Variants in NRG1 observed in about 807,000 individuals in gnomAD.
NRG1 encodes neuregulin 1.
NRG1 carries 18 observed loss-of-function variants against 63.8 expected under a neutral mutation model. The observed-to-expected ratio is 0.28, with a 90% confidence interval of 0.19 to 0.42. The LOEUF is 0.42. NRG1 is among the 10% of genes least tolerant of loss of function. The pLI, the probability that NRG1 is intolerant of heterozygous loss-of-function variation, is 1.00. For missense variants in NRG1, 762 were observed against 814.7 expected (o/e 0.94, Z 0.79); for synonymous variants, 302 against 301.3 (o/e 1.00, Z -0.02).
At chr8:32,501,125 G>A (rs548464481) in intron 1 of NRG1, among the ~76,000 whole-genome samples, 38 of 152,226 alleles carry the variant, frequency 2.5e-4, no homozygotes, top group African/African-American at 8.2e-4. Context: ...GAAAAGCATC[G>A]GCATAAAACA....
intron 1 of NRG1, chr8:31,639,991 T>C (rs1476791065): frequency 4.5e-6 from 5 of 1,120,278 alleles, no homozygotes; most frequent in Middle Eastern, 2.5e-4. Context: ...CACCATGAGA[T>C]GGCGACGCGC....
chr8:32,253,871 G>C (rs1330879382), intron 1 of NRG1, among the ~76,000 whole-genome samples: 1 of 152,126 alleles, frequency 6.6e-6, no homozygotes, highest in Non-Finnish European at 1.5e-5. Context: ...TTCAGAACTT[G>C]TTATTGGTCT....
At chr8:32,437,301 GTTT>G (rs926350889) in intron 1 of NRG1, among the ~76,000 whole-genome samples, 1 of 151,444 alleles carries the variant, frequency 6.6e-6, no homozygotes, top group Non-Finnish European at 1.5e-5. Flanking sequence ...CTCCTTTAGT[GTTT>G]TTTTTGTTTG....
At chr8:32,629,685 G>GT (rs1849926732) in intron 5 of NRG1, among the ~76,000 whole-genome samples, 1 of 151,946 alleles carries the variant, frequency 6.6e-6, no homozygotes, top group Non-Finnish European at 1.5e-5. Context: ...ATTTATTTCT[G>GT]TTTTTTACAT....
intron 1 of NRG1, among the ~76,000 whole-genome samples, chr8:32,026,591 A>T (rs1817414275): frequency 6.6e-6 from 1 of 152,206 alleles, no homozygotes; most frequent in South Asian, 2.1e-4. Context: ...AAATAAAATT[A>T]ATGTTATTCT....
intron 1 of NRG1, among the ~76,000 whole-genome samples, chr8:31,689,083 C>T (rs890462178): frequency 2.4e-4 from 36 of 152,278 alleles, no homozygotes; most frequent in Admixed American, 1.3e-4. Flanking sequence ...TCTTCCGCCT[C>T]CATCTTCCAC....
intron 1 of NRG1, among the ~76,000 whole-genome samples, chr8:32,219,177 G>T (rs897282723): frequency 6.6e-6 from 1 of 152,144 alleles, no homozygotes; most frequent in African/African-American, 2.4e-5. Flanking sequence ...CATCTGAGTT[G>T]GTTGCATGAT....
At chr8:32,065,179 G>A (rs1330073800) in intron 1 of NRG1, among the ~76,000 whole-genome samples, 1 of 150,572 alleles carries the variant, frequency 6.6e-6, no homozygotes. Context: ...TGTGGCCATC[G>A]ATTTTTTCTT....
At chr8:32,728,102 C>G (rs1358911713) in intron 6 of NRG1, 24 bp downstream of exon 6, 1 of 1,613,254 alleles carries the variant, frequency 6.2e-7, no homozygotes, top group Non-Finnish European at 8.5e-7. Context: ...TCCTGTGTGT[C>G]GCTTATGTCT....
intron 1 of NRG1, among the ~76,000 whole-genome samples, chr8:32,432,498 C>T (rs1587620820): frequency 6.6e-6 from 1 of 151,896 alleles, no homozygotes; most frequent in African/African-American, 2.4e-5. Context: ...TTTATCACAC[C>T]GGTTTTTGTT....
chr8:32,704,299 G>T (rs76465506), intron 5 of NRG1, among the ~76,000 whole-genome samples: 2,986 of 152,286 alleles, frequency 0.02, 98 homozygotes, highest in African/African-American at 0.067. Flanking sequence ...TGAATTTAGA[G>T]TTGAATCTTC....
intron 1 of NRG1, among the ~76,000 whole-genome samples, chr8:32,282,087 A>G (rs1382181812): frequency 6.6e-6 from 1 of 152,190 alleles, no homozygotes; most frequent in African/African-American, 2.4e-5. Flanking sequence ...TTCTAACTTG[A>G]CAGTGTGGAG....
intron 1 of NRG1, among the ~76,000 whole-genome samples, chr8:31,865,100 A>G (rs745427344): frequency 6.6e-6 from 1 of 152,140 alleles, no homozygotes; most frequent in African/African-American, 2.4e-5. Context: ...CAGTTTGGGC[A>G]TCTCAGTAAC....
chr8:32,605,438 T>C, intron 2 of NRG1, 124 bp from the exon 3 acceptor site: 1 of 1,074,002 alleles, frequency 9.3e-7, no homozygotes, highest in South Asian at 1.4e-5. Context: ...GGAAGTTGTA[T>C]TTTAACATAT....
intron 5 of NRG1, among the ~76,000 whole-genome samples, chr8:32,637,449 G>A (rs1484397416): frequency 6.6e-6 from 1 of 152,140 alleles, no homozygotes; most frequent in Non-Finnish European, 1.5e-5. Flanking sequence ...TCAGACAGTA[G>A]CAGCCTTCTT....
chr8:31,639,655 G>A (rs2130817503), intron 1 of NRG1: 1 of 1,397,412 alleles, frequency 7.2e-7, no homozygotes, highest in African/African-American at 1.5e-5. Flanking sequence ...CCCGACAGCA[G>A]GGCTCGGGCG....
intron 1 of NRG1, among the ~76,000 whole-genome samples, chr8:32,100,390 T>TATAAA (rs1204560744): frequency 6.6e-6 from 1 of 152,172 alleles, no homozygotes; most frequent in African/African-American, 2.4e-5. Flanking sequence ...GGCTAATAGT[T>TATAAA]ATAAACCTTG....
At chr8:32,448,836 T>C (rs1289352809) in intron 1 of NRG1, among the ~76,000 whole-genome samples, 1 of 152,192 alleles carries the variant, frequency 6.6e-6, no homozygotes, top group African/African-American at 2.4e-5. Context: ...TTTACTCTAT[T>C]CTGGCTTCTT....
At chr8:32,251,690 A>G (rs1018816471) in intron 1 of NRG1, among the ~76,000 whole-genome samples, 1 of 152,080 alleles carries the variant, frequency 6.6e-6, no homozygotes, top group African/African-American at 2.4e-5. Flanking sequence ...AAGTGTTCCT[A>G]TTTCTCCACA....
Sources: allele counts gnomAD v4.1 joint callset (sites outside exome capture counted in the v4.1 genomes callset), GRCh38; gene constraint gnomAD v4.1.1; transcripts MANE v1.5; gene names NCBI Gene and HGNC (gene_info 2026-07-23, HGNC 2026-07-21).